ADAM17: variants seen among roughly 807,000 people sequenced by gnomAD.
The protein encoded by ADAM17 is ADAM metallopeptidase domain 17.
Under a neutral mutation model 96.7 loss-of-function variants are expected in ADAM17, and 39 were observed. The ratio of observed to expected loss-of-function variants is 0.40; its 90% CI spans 0.31 to 0.53. ADAM17 has a LOEUF of 0.53. Among genes scored for constraint, ADAM17 ranks in the 20% least tolerant of loss-of-function variants. ADAM17 has a pLI of 0.44. For missense variants in ADAM17, 777 were observed against 1,013.2 expected, an observed-to-expected ratio of 0.77 and a Z score of 3.17; for synonymous variants, 344 against 359.2, an observed-to-expected ratio of 0.96 and a Z score of 0.48.
At chr2:9,526,015 C>A in intron 6 of ADAM17, 96 bp downstream of exon 6, 1 of 1,147,512 alleles carries the variant, frequency 8.7e-7, no homozygotes. Context: ...AGGGAAATAA[C>A]AGAGTATCTG....
At chr2:9,507,433 T>C (rs1208367450) in intron 11 of ADAM17, among the ~76,000 whole-genome samples, 10 of 151,708 alleles carry the variant, frequency 6.6e-5, no homozygotes, top group Admixed American at 5.3e-4. Context: ...ACCTGGGAGG[T>C]GGAGGTTGCA....
intron 1 of ADAM17, among the ~76,000 whole-genome samples, chr2:9,548,768 T>C (rs1665493190): frequency 6.6e-6 from 1 of 152,246 alleles, no homozygotes; most frequent in African/African-American, 2.4e-5. Flanking sequence ...CACAAGATTC[T>C]TAACACTGAC....
chr2:9,548,798 C>A (rs1665494309), intron 1 of ADAM17, among the ~76,000 whole-genome samples: 1 of 152,042 alleles, frequency 6.6e-6, no homozygotes, highest in Non-Finnish European at 1.5e-5. Flanking sequence ...AAAAAGTAGC[C>A]AATACTTTGT....
Position 9,491,121 on chromosome 2 carries a change from G to C in ADAM17, c.2113C>G (p.Leu705Val). ...CTTACACTGGGGTGAAACAGAGACAGAGATTCATACTGTTTATCCAATTTC... is the reference window on the plus strand; with the variant it reads ...CTTACACTGGGGTGAAACAGAGACACAGATTCATACTGTTTATCCAATTTC... ...DKKLDKQYES[L>V]SLFHPSNVEM... The change falls in exon 18 of 19, where the codon CTG (leucine) becomes GTG (valine). Residue 705 changes from leucine to valine, a missense_variant. By Grantham distance (32) the Leu-to-Val change is conservative. Around this residue, in one of 3 missense-constraint regions of ADAM17, gnomAD observed 197 missense variants for 219.4 expected, o/e 0.90. Transcript: ENST00000310823. 1.2e-6 allele frequency: 2 copies of C among 1,613,246 alleles called. No homozygotes were observed. The highest frequency in any genetic ancestry group is 1.7e-6 in the Non-Finnish European group (2 of 1,179,362).
intron 13 of ADAM17, among the ~76,000 whole-genome samples, chr2:9,499,904 A>C (rs774450630): frequency 6.6e-6 from 1 of 152,250 alleles, no homozygotes; most frequent in African/African-American, 2.4e-5. Flanking sequence ...AATAAAAAAG[A>C]TAACAAGTGT....
intron 2 of ADAM17, among the ~76,000 whole-genome samples, chr2:9,538,023 A>AGGGGAGGGGAGGGGG (rs1665058633): frequency 5.3e-5 from 3 of 56,856 alleles, no homozygotes; most frequent in African/African-American, 1.4e-4. Context: ...AGGAGAGGGG[A>AGGGGAGGGGAGGGGG]GGGGGTATAC....
chr2:9,535,791 C>A, intron 4 of ADAM17, 43 bp downstream of exon 4: 1 of 1,297,870 alleles, frequency 7.7e-7, no homozygotes, highest in African/African-American at 1.5e-5. Context: ...TTTTGAAAAT[C>A]AGAGATATAA....
chr2:9,510,983 A>G (rs1300438711), intron 10 of ADAM17, among the ~76,000 whole-genome samples: 1 of 152,252 alleles, frequency 6.6e-6, no homozygotes, highest in Non-Finnish European at 1.5e-5. Context: ...TGGAACATTC[A>G]TAACAAAACA....
intron 10 of ADAM17, among the ~76,000 whole-genome samples, chr2:9,514,199 T>C (rs1455082888): frequency 2.0e-5 from 3 of 151,670 alleles, no homozygotes; most frequent in African/African-American, 7.3e-5. Flanking sequence ...TGAGTTCATG[T>C]CCTTCGTAGG....
chr2:9,531,698 T>C (rs1456930376), intron 4 of ADAM17, among the ~76,000 whole-genome samples: 1 of 152,090 alleles, frequency 6.6e-6, no homozygotes, highest in Non-Finnish European at 1.5e-5. Flanking sequence ...CAAGACTCCA[T>C]CTCAAATAAA....
intron 13 of ADAM17, 26 bp from the exon 14 acceptor site, chr2:9,497,274 AAAAG>A: frequency 6.2e-7 from 1 of 1,613,082 alleles, no homozygotes; most frequent in Non-Finnish European, 8.5e-7. Context: ...AGTCATAACA[AAAAG>A]AATGAGTCAC....
At chr2:9,544,857 T>A (rs6739799) in intron 1 of ADAM17, among the ~76,000 whole-genome samples, 1 of 152,048 alleles carries the variant, frequency 6.6e-6, no homozygotes, top group African/African-American at 2.4e-5. Context: ...AAAGGGCTAT[T>A]TTTTATTCAT....
Position 9,540,203 on chromosome 2 carries a change from T to C in ADAM17, c.230+2950A>G, listed in dbSNP as rs185899902. The stretch of plus-strand genomic sequence containing the variant: ...TAAACTTTGAGTTCTTTTCATTTTA[T>C]AGTTTCCTCACTCTTCCTTCGCTCC... On this transcript the variant is annotated intron_variant, in intron 2 of 18. Coordinates refer to ENST00000310823, the MANE Select transcript of ADAM17 (RefSeq NM_003183.6). Among the ~76,000 whole-genome samples the C allele has an allele frequency of 3.7e-4, 57 of 152,348 alleles. 1 individual carries two copies. The highest frequency in any genetic ancestry group is 1.3e-3 in the African/African-American group (55 of 41,590).
chr2:9,549,954 T>C (rs1208989578), intron 1 of ADAM17, among the ~76,000 whole-genome samples: 1 of 152,128 alleles, frequency 6.6e-6, no homozygotes, highest in Non-Finnish European at 1.5e-5. Flanking sequence ...GTACGAAAAG[T>C]TCCCCCAAAA....
intron 7 of ADAM17, chr2:9,521,819 C>T (rs891454081): frequency 1.1e-5 from 1 of 89,974 alleles, no homozygotes; most frequent in Non-Finnish European, 2.6e-5. Context: ...CCATGCTCAG[C>T]TCAGAGTTTC....
chr2:9,535,690 T>A (rs866285075), intron 4 of ADAM17, 144 bp downstream of exon 4: 2 of 475,476 alleles, frequency 4.2e-6, no homozygotes, highest in Admixed American at 3.9e-5. Flanking sequence ...TATCCTTTTT[T>A]AAAAAGTCTA....
rs945506316 is a variant in ADAM17 at position 9,555,593 on chromosome 2, G to C, written c.13C>G (p.Leu5Val). Reference protein sequence around the residue: MRQSLLFLTSVVPFV... With the variant: MRQSVLFLTSVVPFV... ...GGAACCACGCTGGTCAGGAATAGGA[G>C]AGACTGCCTCATGTTCCCGGCCCCG... Residue 5 changes from leucine to valine, a missense_variant, in exon 1 of 19, where the codon CTC (leucine) becomes GTC (valine). Coordinates refer to ENST00000310823, the MANE Select transcript of ADAM17 (RefSeq NM_003183.6). 6 of 1,588,132 alleles carry C rather than the reference G, an allele frequency of 3.8e-6. No homozygotes were observed. The highest frequency in any genetic ancestry group is 1.3e-5 in the African/African-American group (1 of 74,446).
intron 2 of ADAM17, 107 bp from the exon 3 acceptor site, chr2:9,536,935 C>T: frequency 7.7e-7 from 1 of 1,302,696 alleles, no homozygotes; most frequent in South Asian, 1.4e-5. Context: ...ATTAATAAAA[C>T]ACTATGCAAG....
At chr2:9,509,890 A>T in intron 11 of ADAM17, 89 bp downstream of exon 11, 1 of 1,511,732 alleles carries the variant, frequency 6.6e-7, no homozygotes, top group South Asian at 1.2e-5. Context: ...GGAAACGCCT[A>T]GGAATGGAAT....
Sources: allele counts gnomAD v4.1 joint callset (sites outside exome capture counted in the v4.1 genomes callset), GRCh38; gene constraint gnomAD v4.1.1; regional missense constraint gnomAD v4.1.1; transcripts MANE v1.5; gene names NCBI Gene and HGNC (gene_info 2026-07-23, HGNC 2026-07-21).